The following STX7 variants were observed in gnomAD, a reference collection of about 807,000 sequenced individuals.
The protein encoded by STX7 is syntaxin 7.
Under a neutral mutation model 39.6 loss-of-function variants are expected in STX7, and 34 were observed. That is an observed-to-expected ratio of 0.86 (90% CI 0.65 to 1.14). The LOEUF is 1.14. Ranked by LOEUF, STX7 falls within the 50% of genes most tolerant of loss-of-function variation. The pLI is 0.00. For synonymous variants in STX7, 119 were observed against 99.1 expected (o/e 1.20, Z -1.19); for missense variants, 284 against 310.4 (o/e 0.92, Z 0.64).
In STX7 at chr6:132,454,861, T is replaced by C. The variant is rs1266597982; in HGVS notation, c.*5897A>G. ...TATATAACTAAGGTTATCTTACTAT[T>C]AGCAAATTTTGGTATATACCCACTG... On this transcript the variant is annotated 3_prime_UTR_variant, in exon 10 of 10. Transcript: ENST00000367941. 1 of 152,166 alleles carries C rather than the reference T, an allele frequency of 6.6e-6. No individual in the cohort carries two copies. Among genetic ancestry groups the C allele is most frequent in the Non-Finnish European group, 1.5e-5 (1 of 68,014 alleles). 9.4% of individuals were successfully genotyped at this position (152,166 alleles called of 1,614,324 possible).
intron 2 of STX7, among the ~76,000 whole-genome samples, chr6:132,494,704 A>C (rs1314792632): frequency 6.6e-6 from 1 of 152,152 alleles, no homozygotes; most frequent in African/African-American, 2.4e-5. Context: ...GTGGTAGTTG[A>C]CAAGTGGGGG....
intron 1 of STX7, among the ~76,000 whole-genome samples, chr6:132,509,458 A>ACTAAAC (rs1775786259): frequency 1.6e-5 from 2 of 128,912 alleles, no homozygotes; most frequent in South Asian, 2.5e-4. Context: ...TCAAAATAAC[A>ACTAAAC]TAACATAACA....
intron 1 of STX7, among the ~76,000 whole-genome samples, chr6:132,512,524 T>C (rs1234066786): frequency 6.6e-6 from 1 of 152,180 alleles, no homozygotes; most frequent in Non-Finnish European, 1.5e-5. Context: ...TAAATAAACA[T>C]ACACGGTTCG....
intron 1 of STX7, among the ~76,000 whole-genome samples, chr6:132,506,162 GA>G (rs1775702519): frequency 1.3e-5 from 2 of 151,750 alleles, no homozygotes; most frequent in African/African-American, 4.8e-5. Flanking sequence ...AAAATATAGG[GA>G]AAACTCTTCT....
In STX7 at chr6:132,495,197, A is replaced by T. The variant is rs142350859; in HGVS notation, c.85+8249T>A. ...ATTTAGTTCATAAAACAAAGAATTCACTCATATCCGGCCATAAACACCATG... is the reference window on the plus strand; with the variant it reads ...ATTTAGTTCATAAAACAAAGAATTCTCTCATATCCGGCCATAAACACCATG... On this transcript the variant is annotated intron_variant, in intron 2 of 9. Transcript: ENST00000367941. Among the ~76,000 whole-genome samples, 37 of 152,274 alleles carry T rather than the reference A, an allele frequency of 2.4e-4. No individual in the cohort carries two copies. The East Asian group carries it at 6.6e-3, about 27-fold the overall frequency.
Position 132,469,842 on chromosome 6 carries a change from G to C in STX7, c.537+109C>G, listed in dbSNP as rs969174335. 4.4e-6 allele frequency: 4 copies of C among 913,142 alleles called. No homozygotes were observed. In the Admixed American group the frequency reaches 1.0e-4, roughly 24 times the overall value. The allele number at this position is 913,142 out of a possible 1,614,324, so 56.6% of individuals were successfully genotyped here. ...TGACAGAGGGAGACTGTCTCAAAAA[G>C]AAAACAAAATTTTTCTGTCTCATGC... is the stretch of plus-strand genomic sequence containing the variant. On this transcript the variant is annotated intron_variant, in intron 7 of 9. Transcript: ENST00000367941.
At position 132,454,469 on chromosome 6, in the gene STX7, A is replaced by G. The variant is rs1453868669; in HGVS notation, c.*6289T>C. On this transcript the variant is annotated 3_prime_UTR_variant, in exon 10 of 10. Coordinates refer to ENST00000367941, the MANE Select transcript of STX7 (RefSeq NM_003569.3). ...GGGAAACAAAGTGAAAGGTACACGA[A>G]AGAGGTCTCTGTATTATTTCTTACA... 6.6e-6 allele frequency: 1 copy of G among 152,200 alleles called. No individual in the cohort carries two copies. The highest frequency in any genetic ancestry group is 1.5e-5 in the Non-Finnish European group (1 of 68,008). The allele number at this position is 152,200 out of a possible 1,614,324, so 9.4% of individuals were successfully genotyped here.
chr6:132,511,558 T>C (rs1177922693), intron 1 of STX7, among the ~76,000 whole-genome samples: 1 of 152,226 alleles, frequency 6.6e-6, no homozygotes, highest in Non-Finnish European at 1.5e-5. Flanking sequence ...AGGAGAGAGA[T>C]GACCTTGTCA....
At chr6:132,502,637 C>T (rs995881396) in intron 2 of STX7, among the ~76,000 whole-genome samples, 1 of 152,316 alleles carries the variant, frequency 6.6e-6, no homozygotes. Flanking sequence ...CGGTGGCTCA[C>T]GCCTGTAATC....
At chr6:132,498,307 A>G (rs1165095357) in intron 2 of STX7, among the ~76,000 whole-genome samples, 8 of 152,094 alleles carry the variant, frequency 5.3e-5, no homozygotes, top group Admixed American at 5.2e-4. Flanking sequence ...AATATAAATT[A>G]TATCATTATA....
chr6:132,490,266 C>T (rs1775246349), intron 2 of STX7, among the ~76,000 whole-genome samples: 1 of 152,174 alleles, frequency 6.6e-6, no homozygotes, highest in East Asian at 1.9e-4. Context: ...CCTACTGCTC[C>T]AAAAGCAGCT....
chr6:132,498,294 C>T (rs914073096), intron 2 of STX7, among the ~76,000 whole-genome samples: 2 of 151,530 alleles, frequency 1.3e-5, no homozygotes, highest in African/African-American at 2.4e-5. Flanking sequence ...ATATTTTATG[C>T]TTAATATAAA....
chr6:132,471,626 A>G (rs771466581), intron 4 of STX7, 26 bp from the exon 5 acceptor site: 1 of 1,605,638 alleles, frequency 6.2e-7, no homozygotes. Context: ...GAAAAAGCCA[A>G]CTAGAATCTA....
rs1040168236 is a variant in STX7 at position 132,454,407 on chromosome 6, G to A, written c.*6351C>T. ...ATACCAGTGTCAGTATCCTGGGTAT[G>A]ATATTGTATGACAGTTTTGAAAGAT... On this transcript the variant is annotated 3_prime_UTR_variant, in exon 10 of 10. Coordinates refer to ENST00000367941, the MANE Select transcript of STX7 (RefSeq NM_003569.3). 14 of 152,114 alleles carry A rather than the reference G, an allele frequency of 9.2e-5. No homozygotes were observed. Among genetic ancestry groups the A allele is most frequent in the African/African-American group, 3.4e-4 (14 of 41,444 alleles). The allele number at this position is 152,114 out of a possible 1,614,324, so 9.4% of individuals were successfully genotyped here.
chr6:132,471,541 G>T lies in STX7; in HGVS notation c.309C>A (p.Asn103Lys). Reference protein sequence around the residue: ...LVAEFTTSLTNFQKVQRQAAE... With the variant: ...LVAEFTTSLTKFQKVQRQAAE... ...CAGCCTGCCTCTGGACCTTCTGGAA[G>T]TTTGTCAGTGATGTTGTGAACTCTG... Residue 103 changes from asparagine to lysine, a missense_variant, in exon 5 of 10, where the codon AAC becomes AAA. By Grantham distance (94) the Asn-to-Lys change is moderately conservative. Coordinates refer to ENST00000367941, the MANE Select transcript of STX7 (RefSeq NM_003569.3). 6.2e-7 allele frequency: 1 copy of T among 1,614,054 alleles called. No homozygotes were observed. The highest frequency in any genetic ancestry group is 8.5e-7 in the Non-Finnish European group (1 of 1,179,948).
chr6:132,510,912 T>C (rs1775831608), intron 1 of STX7, among the ~76,000 whole-genome samples: 1 of 152,226 alleles, frequency 6.6e-6, no homozygotes, highest in Non-Finnish European at 1.5e-5. Flanking sequence ...AAATCCGATA[T>C]ACTGTAGAAT....
chr6:132,457,437 A>G lies in STX7; in HGVS notation c.*3321T>C, dbSNP rs535923788. ...ATTTTGAGGACACAAATTCCTAAATACTCAGAAAAAAATGGTTTTATCTTA... is the reference window on the plus strand; with the variant it reads ...ATTTTGAGGACACAAATTCCTAAATGCTCAGAAAAAAATGGTTTTATCTTA... On this transcript the variant is annotated 3_prime_UTR_variant, in exon 10 of 10. Transcript: ENST00000367941. 1 of 152,260 alleles carries G rather than the reference A, an allele frequency of 6.6e-6. No homozygotes were observed. Among genetic ancestry groups the G allele is most frequent in the African/African-American group, 2.4e-5 (1 of 41,546 alleles). The allele number at this position is 152,260 out of a possible 1,614,324, so 9.4% of individuals were successfully genotyped here.
chr6:132,466,646 A>G (rs933842537), intron 8 of STX7, among the ~76,000 whole-genome samples: 4 of 152,162 alleles, frequency 2.6e-5, no homozygotes, highest in Admixed American at 6.5e-5. Context: ...GTTAAATACT[A>G]TGTGTACACA....
intron 2 of STX7, among the ~76,000 whole-genome samples, chr6:132,481,443 T>C (rs1775014441): frequency 1.3e-5 from 2 of 152,204 alleles, no homozygotes; most frequent in Non-Finnish European, 2.9e-5. Flanking sequence ...TCACTATCAC[T>C]AACAATCTAG....
Sources: allele counts gnomAD v4.1 joint callset (sites outside exome capture counted in the v4.1 genomes callset), GRCh38; gene constraint gnomAD v4.1.1; transcripts MANE v1.5; gene names NCBI Gene and HGNC (gene_info 2026-07-23, HGNC 2026-07-21).